Variants in AGTPBP1 observed in about 807,000 individuals in gnomAD.
The protein encoded by AGTPBP1 is cytosolic carboxypeptidase 1.
In AGTPBP1, 70 loss-of-function variants were observed where a neutral mutation model predicts 143.9. That is an observed-to-expected ratio of 0.49 (90% confidence interval 0.40 to 0.59). The LOEUF is 0.59. Among genes scored for constraint, AGTPBP1 ranks in the 20% least tolerant of loss-of-function variants. The pLI, the probability that AGTPBP1 is intolerant of heterozygous loss-of-function variation, is 0.00. For missense variants in AGTPBP1, 1,229 were observed against 1,464.5 expected, an observed-to-expected ratio of 0.84 and a Z score of 2.62; for synonymous variants, 463 against 500.2, an observed-to-expected ratio of 0.93 and a Z score of 0.99.
At chr9:85,715,245 CAAAAAAA>C (rs1276506563) in intron 1 of AGTPBP1, among the ~76,000 whole-genome samples, 1 of 106,712 alleles carries the variant, frequency 9.4e-6, no homozygotes, top group Non-Finnish European at 2.0e-5. Flanking sequence ...GACTCTGTCT[CAAAAAAA>C]AAAAGAAAAA....
At chr9:85,805,001 G>T in the AGTPBP1 span, among the ~76,000 whole-genome samples, 1 of 152,152 alleles carries the variant, frequency 6.6e-6, no homozygotes, top group Non-Finnish European at 1.5e-5. Context: ...GAGTGGCCTG[G>T]AGTCTCATTC....
At chr9:85,766,570 T>C in the AGTPBP1 span, among the ~76,000 whole-genome samples, 3,527 of 151,356 alleles carry the variant, frequency 0.023, 143 homozygotes, top group African/African-American at 0.076. Flanking sequence ...TATAGTATGG[T>C]GCATGATACC....
intron 25 of AGTPBP1, among the ~76,000 whole-genome samples, chr9:85,558,560 A>G (rs1025451307): frequency 3.3e-5 from 5 of 152,210 alleles, no homozygotes; most frequent in African/African-American, 1.2e-4. Flanking sequence ...AAACATGGGT[A>G]TATTTTTAAT....
At position 85,596,376 on chromosome 9, in the gene AGTPBP1, G is replaced by A; in HGVS notation, c.2409C>T (p.Asp803=). The A allele has an allele frequency of 6.2e-7, 1 of 1,606,564 alleles. No homozygotes were observed. The highest frequency in any genetic ancestry group is 8.5e-7 in the Non-Finnish European group (1 of 1,175,400). Residue 803 remains aspartate, a synonymous_variant, in exon 18 of 26, where the codon GAC becomes GAT. Transcript: ENST00000357081. ...ARPWWIRMGT[D]ICYYKNHFSR... ...AAAATACTTACTTATAGTAACAAAT[G>A]TCAGTCCCCATACGAATCCACCATG...
intron 25 of AGTPBP1, among the ~76,000 whole-genome samples, chr9:85,564,827 G>T (rs927566759): frequency 6.6e-6 from 1 of 152,178 alleles, no homozygotes; most frequent in Non-Finnish European, 1.5e-5. Flanking sequence ...TGAGTCTTTG[G>T]ACTTTAAACT....
chr9:85,779,547 G>T, the AGTPBP1 span, among the ~76,000 whole-genome samples: 1 of 152,104 alleles, frequency 6.6e-6, no homozygotes, highest in Non-Finnish European at 1.5e-5. Flanking sequence ...CAGATTAAGG[G>T]TGGGTGTGCC....
chr9:85,697,460 T>TG (rs1836332326), intron 2 of AGTPBP1, among the ~76,000 whole-genome samples: 3 of 136,580 alleles, frequency 2.2e-5, no homozygotes, highest in African/African-American at 5.6e-5. Flanking sequence ...TTTTTTTTTT[T>TG]TTTTTTTTTT....
chr9:85,746,968 C>T (rs1403157445), upstream of AGTPBP1, among the ~76,000 whole-genome samples: 2 of 152,122 alleles, frequency 1.3e-5, no homozygotes, highest in East Asian at 3.9e-4. Context: ...ATCCCCCTGC[C>T]TTAGCCTCCT....
At chr9:85,795,985 G>A in the AGTPBP1 span, among the ~76,000 whole-genome samples, 19 of 148,896 alleles carry the variant, frequency 1.3e-4, no homozygotes, top group Non-Finnish European at 1.8e-4. Context: ...GTGGAGGCTT[G>A]AATTAAATTA....
upstream of AGTPBP1, among the ~76,000 whole-genome samples, chr9:85,742,788 TA>T (rs1824454566): frequency 1.3e-5 from 2 of 152,240 alleles, no homozygotes; most frequent in African/African-American, 4.8e-5. Context: ...GTATTGCAAA[TA>T]AATACTGACA....
At chr9:85,607,793 C>T (rs896206546) in intron 17 of AGTPBP1, among the ~76,000 whole-genome samples, 7 of 152,082 alleles carry the variant, frequency 4.6e-5, no homozygotes, top group African/African-American at 1.7e-4. Flanking sequence ...TTGATGTTAA[C>T]ACCCTCATTT....
chr9:85,766,252 C>T, the AGTPBP1 span, among the ~76,000 whole-genome samples: 2 of 151,976 alleles, frequency 1.3e-5, no homozygotes, highest in Admixed American at 6.6e-5. Context: ...TTGTGGATAA[C>T]GTATTACAGC....
chr9:85,778,661 T>G, the AGTPBP1 span, among the ~76,000 whole-genome samples: 1 of 152,200 alleles, frequency 6.6e-6, no homozygotes, highest in East Asian at 1.9e-4. Flanking sequence ...ATAGGCCCAC[T>G]AGGCATTGTG....
intron 14 of AGTPBP1, among the ~76,000 whole-genome samples, chr9:85,622,342 T>C (rs1830987442): frequency 1.3e-5 from 2 of 152,168 alleles, no homozygotes; most frequent in Non-Finnish European, 1.5e-5. Context: ...GAAACTAGTC[T>C]CCTGCACGAA....
chr9:85,613,957 A>G (rs1202620026), intron 17 of AGTPBP1, among the ~76,000 whole-genome samples: 1 of 152,094 alleles, frequency 6.6e-6, no homozygotes, highest in Non-Finnish European at 1.5e-5. Context: ...TATTATTAAC[A>G]TAATATAACA....
intron 14 of AGTPBP1, among the ~76,000 whole-genome samples, chr9:85,624,948 A>C (rs1022293909): frequency 1.3e-5 from 2 of 152,216 alleles, no homozygotes; most frequent in African/African-American, 4.8e-5. Flanking sequence ...TTACACCTCT[A>C]TCAGGGTATA....
chr9:85,703,387 T>G (rs754036873), intron 2 of AGTPBP1, among the ~76,000 whole-genome samples: 7 of 152,224 alleles, frequency 4.6e-5, no homozygotes, highest in Non-Finnish European at 8.8e-5. Context: ...GTAAGGAGAC[T>G]ATTACAGTGG....
intron 9 of AGTPBP1, among the ~76,000 whole-genome samples, chr9:85,659,637 C>A (rs907349175): frequency 2.0e-5 from 3 of 152,026 alleles, no homozygotes; most frequent in African/African-American, 7.2e-5. Context: ...GGATTGATTT[C>A]TATAAAATAC....
At chr9:85,709,692 G>A (rs956042210) in intron 2 of AGTPBP1, among the ~76,000 whole-genome samples, 1 of 152,166 alleles carries the variant, frequency 6.6e-6, no homozygotes, top group African/African-American at 2.4e-5. Context: ...AGAACTCTTA[G>A]AGAACAGATA....
Sources: gnomAD v4.1 joint callset for allele counts (sites outside exome capture counted in the v4.1 genomes callset) on GRCh38, gnomAD v4.1.1 for gene constraint, MANE v1.5 for transcripts, NCBI Gene and HGNC (gene_info 2026-07-23, HGNC 2026-07-21) for gene names.